The following KAZN variants were observed in gnomAD, a reference collection of about 807,000 sequenced individuals.
KAZN encodes the protein kazrin, periplakin interacting protein, also known as kazrin.
A neutral mutation model predicts 87.4 loss-of-function variants in KAZN; 40 were observed. The ratio of observed to expected loss-of-function variants is 0.46; its 90% CI spans 0.36 to 0.60. The LOEUF is 0.60. KAZN is among the 20% of genes least tolerant of loss of function. The probability of loss-of-function intolerance (pLI) is 0.00; values close to 1 mark genes in which losing one functional copy is unlikely to be tolerated. For synonymous variants in KAZN, 466 were observed against 458.3 expected (o/e 1.02, Z -0.22); for missense variants, 898 against 1,073.9 (o/e 0.84, Z 2.29).
At chr1:14,940,008 C>A (rs1365081610) in intron 1 of KAZN, among the ~76,000 whole-genome samples, 3 of 152,166 alleles carry the variant, frequency 2.0e-5, no homozygotes, top group Non-Finnish European at 4.4e-5. Flanking sequence ...TCCCTCTGTA[C>A]CCCTGAAGCG....
intron 2 of KAZN, among the ~76,000 whole-genome samples, chr1:14,587,423 G>A (rs1675920535): frequency 2.7e-5 from 4 of 146,726 alleles, no homozygotes; most frequent in African/African-American, 1.0e-4. Flanking sequence ...GTGACAGAGC[G>A]AGACTCCAAC....
intron 2 of KAZN, among the ~76,000 whole-genome samples, chr1:14,573,828 G>A (rs1018425013): frequency 2.6e-5 from 4 of 151,820 alleles, no homozygotes; most frequent in Admixed American, 1.3e-4. Context: ...TGAGGATGGA[G>A]GAAGAAGGAG....
rs146454573 is a variant in KAZN at position 14,988,047 on chromosome 1, G to T, written c.418+27172G>T. Among the ~76,000 whole-genome samples the T allele has an allele frequency of 1.4e-3, 209 of 152,334 alleles. 1 individual carries two copies. The highest frequency in any genetic ancestry group is 4.7e-3 in the African/African-American group (195 of 41,584). On this transcript the variant is annotated intron_variant, in intron 2 of 14. Transcript: ENST00000376030. The stretch of plus-strand genomic sequence containing the variant: ...AGCCATGGTGGGCTTTAGACAGGGA[G>T]TGATGGGATCAAACTGGGGCTTTGG...
chr1:14,898,786 C>T (rs922947612), intron 1 of KAZN, among the ~76,000 whole-genome samples: 3 of 152,176 alleles, frequency 2.0e-5, no homozygotes, highest in African/African-American at 7.2e-5. Context: ...CTTATCGCCC[C>T]AGCACCTAGC....
intron 2 of KAZN, among the ~76,000 whole-genome samples, chr1:14,206,247 CTT>C (rs1169936621): frequency 3.3e-5 from 5 of 151,976 alleles, no homozygotes; most frequent in Non-Finnish European, 7.4e-5. Context: ...AGTCAGCTGA[CTT>C]TTTGTTTTTT....
intron 1 of KAZN, among the ~76,000 whole-genome samples, chr1:14,887,325 G>T (rs548075952): frequency 1.3e-5 from 2 of 152,200 alleles, no homozygotes; most frequent in Non-Finnish European, 2.9e-5. Context: ...GCATTGCCGT[G>T]AAGAACTTGA....
At chr1:14,607,892 G>A (rs997836367) in intron 1 of KAZN, among the ~76,000 whole-genome samples, 5 of 152,314 alleles carry the variant, frequency 3.3e-5, no homozygotes, top group Admixed American at 6.5e-5. Flanking sequence ...GCCAGTGTTC[G>A]TTGAGGCTTT....
At chr1:14,560,092 A>T (rs1450877646) in intron 2 of KAZN, among the ~76,000 whole-genome samples, 1 of 152,170 alleles carries the variant, frequency 6.6e-6, no homozygotes, top group Non-Finnish European at 1.5e-5. Flanking sequence ...AGGTAAAGAC[A>T]TCTTTTGTTT....
chr1:14,126,571 T>A (rs1287451569), intron 1 of KAZN, among the ~76,000 whole-genome samples: 1 of 152,026 alleles, frequency 6.6e-6, no homozygotes, highest in Non-Finnish European at 1.5e-5. Context: ...AATTTTACAA[T>A]GACCTAATGA....
At chr1:13,930,828 C>A (rs1175788768) in intron 1 of KAZN, among the ~76,000 whole-genome samples, 1 of 152,164 alleles carries the variant, frequency 6.6e-6, no homozygotes, top group African/African-American at 2.4e-5. Flanking sequence ...CATCCCTGGT[C>A]ATCCCGTAAC....
chr1:14,502,575 T>TA (rs1303734642), intron 2 of KAZN, among the ~76,000 whole-genome samples: 1 of 152,156 alleles, frequency 6.6e-6, no homozygotes, highest in Non-Finnish European at 1.5e-5. Flanking sequence ...CCTGGGGGCC[T>TA]ACCAAAATGT....
At chr1:14,263,783 G>T (rs1313569743) in intron 2 of KAZN, among the ~76,000 whole-genome samples, 2 of 152,192 alleles carry the variant, frequency 1.3e-5, no homozygotes, top group Non-Finnish European at 2.9e-5. Flanking sequence ...TTAAGGACAC[G>T]CAGTGAACAG....
intron 1 of KAZN, among the ~76,000 whole-genome samples, chr1:14,645,125 AT>A (rs1451596687): frequency 2.0e-5 from 3 of 151,978 alleles, no homozygotes; most frequent in Admixed American, 2.0e-4. Flanking sequence ...GTGCAGCCTT[AT>A]TTCTGGGCTC....
intron 1 of KAZN, among the ~76,000 whole-genome samples, chr1:14,112,164 C>A (rs948625717): frequency 7.4e-6 from 1 of 134,722 alleles, no homozygotes; most frequent in Non-Finnish European, 1.6e-5. Flanking sequence ...CTGACCTTAC[C>A]TACTGGCTGT....
chr1:15,042,848 G>T (rs760025771), intron 3 of KAZN, among the ~76,000 whole-genome samples: 19 of 152,338 alleles, frequency 1.2e-4, no homozygotes, highest in Middle Eastern at 3.4e-3. Flanking sequence ...GCCACACGGA[G>T]ACCTTGGATT....
intron 1 of KAZN, among the ~76,000 whole-genome samples, chr1:14,865,092 T>G (rs1651304122): frequency 6.6e-6 from 1 of 152,136 alleles, no homozygotes; most frequent in African/African-American, 2.4e-5. Context: ...GAGAGGAAGC[T>G]AGCTACTCAA....
intron 1 of KAZN, among the ~76,000 whole-genome samples, chr1:14,695,510 C>CTTTTTTTTTTTTTTTTTTTT (rs112667110): frequency 0.014 from 1,172 of 84,828 alleles, 261 homozygotes; most frequent in Middle Eastern, 0.025. Flanking sequence ...TACATTCCAT[C>CTTTTTTTTTTTTTTTTTTTT]TTTTTTTTTT....
intron 1 of KAZN, among the ~76,000 whole-genome samples, chr1:14,635,243 C>T (rs905092551): frequency 1.3e-5 from 2 of 152,144 alleles, no homozygotes; most frequent in Admixed American, 6.5e-5. Context: ...TAGCACTGGG[C>T]GTTGTTGGGC....
chr1:15,091,878 A>C (rs2100671339), intron 8 of KAZN, among the ~76,000 whole-genome samples: 1 of 152,300 alleles, frequency 6.6e-6, no homozygotes, highest in African/African-American at 2.4e-5. Context: ...AAAGAAAATA[A>C]CCATATTCTC....
Sources: allele counts gnomAD v4.1 joint callset (sites outside exome capture counted in the v4.1 genomes callset), GRCh38; gene constraint gnomAD v4.1.1; transcripts MANE v1.5; gene names NCBI Gene and HGNC (gene_info 2026-07-23, HGNC 2026-07-21).